The following SH2D4A variants were observed in gnomAD, a reference collection of about 807,000 sequenced individuals.
SH2D4A encodes the protein SH2 domain containing 4A.
In SH2D4A, 70 loss-of-function variants were observed where a neutral mutation model predicts 64.7. That is an observed-to-expected ratio of 1.08 (90% CI 0.89 to 1.32). The LOEUF (loss-of-function observed/expected upper bound fraction) is 1.32. Among genes scored for constraint, SH2D4A ranks in the 40% most tolerant of loss-of-function variants. The probability of loss-of-function intolerance (pLI) is 0.00; values close to 1 mark genes in which losing one functional copy is unlikely to be tolerated. For synonymous variants in SH2D4A, 268 were observed against 200.7 expected (o/e 1.34, Z -2.83); for missense variants, 706 against 540.1 (o/e 1.31, Z -3.04).
chr8:19,372,661 G>A (rs1480536610), intron 7 of SH2D4A, among the ~76,000 whole-genome samples: 2 of 152,138 alleles, frequency 1.3e-5, no homozygotes, highest in African/African-American at 4.8e-5. Flanking sequence ...AAATTAGTAC[G>A]CTGTTGAGTA....
intron 4 of SH2D4A, among the ~76,000 whole-genome samples, chr8:19,349,968 T>G (rs894718911): frequency 8.5e-5 from 13 of 152,214 alleles, no homozygotes; most frequent in Admixed American, 5.2e-4. Context: ...CCTCCCAAAG[T>G]GCTGGCATTA....
chr8:19,318,597 C>A (rs1364016093), intron 1 of SH2D4A, among the ~76,000 whole-genome samples: 4 of 152,150 alleles, frequency 2.6e-5, no homozygotes, highest in Admixed American at 2.0e-4. Context: ...ACCTCTTCAT[C>A]CCCCTAGTTT....
At chr8:19,375,143 C>T (rs184631605) in intron 8 of SH2D4A, 91 of 152,224 alleles carry the variant, frequency 6.0e-4, no homozygotes, top group Non-Finnish European at 1.1e-3. Context: ...CGTAAAATAA[C>T]TTGCATTCTT....
At chr8:19,380,656 C>T (rs1187206032) in intron 8 of SH2D4A, among the ~76,000 whole-genome samples, 1 of 152,188 alleles carries the variant, frequency 6.6e-6, no homozygotes, top group Non-Finnish European at 1.5e-5. Flanking sequence ...ATGGTGTTAG[C>T]ACCTTTGTCA....
At chr8:19,319,053 C>T (rs1253651187) in intron 1 of SH2D4A, among the ~76,000 whole-genome samples, 1 of 150,468 alleles carries the variant, frequency 6.6e-6, no homozygotes, top group East Asian at 1.9e-4. Context: ...AATGTGTTTG[C>T]TTAGTTGGGA....
chr8:19,330,676 T>G (rs1276680796), intron 2 of SH2D4A, among the ~76,000 whole-genome samples: 1 of 152,168 alleles, frequency 6.6e-6, no homozygotes, highest in Non-Finnish European at 1.5e-5. Context: ...TGGGCTGTCC[T>G]AGCTGAGGTG....
chr8:19,383,446 G>A (rs1341138850), intron 8 of SH2D4A, among the ~76,000 whole-genome samples: 3 of 149,618 alleles, frequency 2.0e-5, no homozygotes, highest in East Asian at 2.0e-4. Flanking sequence ...TTGTGCATAC[G>A]TAAAGTCTTT....
At chr8:19,393,033 G>A (rs533694555) in intron 8 of SH2D4A, among the ~76,000 whole-genome samples, 4 of 152,248 alleles carry the variant, frequency 2.6e-5, no homozygotes, top group South Asian at 2.1e-4. Flanking sequence ...GAGCCACCAC[G>A]CCTGGCCCAG....
chr8:19,376,131 C>T (rs1045601091), intron 8 of SH2D4A, among the ~76,000 whole-genome samples: 3 of 152,076 alleles, frequency 2.0e-5, no homozygotes, highest in Admixed American at 1.3e-4. Context: ...TTGGTAAGTC[C>T]CAAATCTGAC....
At chr8:19,324,095 G>A (rs570613498) in intron 2 of SH2D4A, among the ~76,000 whole-genome samples, 22 of 152,342 alleles carry the variant, frequency 1.4e-4, no homozygotes, top group African/African-American at 5.1e-4. Context: ...ATGTGAAGGC[G>A]CCTTGCGCAC....
intron 7 of SH2D4A, among the ~76,000 whole-genome samples, chr8:19,372,063 A>T (rs1362133498): frequency 1.3e-5 from 2 of 152,066 alleles, no homozygotes; most frequent in South Asian, 2.1e-4. Flanking sequence ...GTGAGGTCAT[A>T]TTGTCCTGAG....
At chr8:19,334,486 A>G (rs1464767408) in intron 3 of SH2D4A, among the ~76,000 whole-genome samples, 200 bp from the exon 4 acceptor site, 1 of 152,196 alleles carries the variant, frequency 6.6e-6, no homozygotes, top group African/African-American at 2.4e-5. Flanking sequence ...AGTGAGGATG[A>G]CAATGCCTTC....
intron 2 of SH2D4A, among the ~76,000 whole-genome samples, chr8:19,325,116 A>C (rs1296811981): frequency 2.0e-5 from 3 of 152,008 alleles, no homozygotes; most frequent in Admixed American, 6.5e-5. Flanking sequence ...TTTACTCTCT[A>C]TGATGATGGG....
At chr8:19,365,403 T>C (rs2052975846) in intron 7 of SH2D4A, among the ~76,000 whole-genome samples, 1 of 152,076 alleles carries the variant, frequency 6.6e-6, no homozygotes, top group African/African-American at 2.4e-5. Flanking sequence ...AAGCAAGAAA[T>C]GTAGTCAGGA....
chr8:19,313,747 C>T lies in SH2D4A; in HGVS notation c.-281C>T, dbSNP rs925868122. On this transcript the variant is annotated 5_prime_UTR_variant, in exon 1 of 10. Transcript: ENST00000265807. ...GGACGCCTCTGCCTTTCCCTCCCTCCCTTCCCCGACGGCTTCTGGCGGCCA... is the reference window on the plus strand; with the variant it reads ...GGACGCCTCTGCCTTTCCCTCCCTCTCTTCCCCGACGGCTTCTGGCGGCCA... The T allele has an allele frequency of 6.6e-7, 1 of 1,509,822 alleles. No homozygotes were observed. The highest frequency in any genetic ancestry group is 2.0e-5 in the Admixed American group (1 of 48,842). 93.5% of individuals were successfully genotyped at this position (1,509,822 alleles called of 1,614,324 possible).
In SH2D4A at chr8:19,319,266, T is replaced by C. The variant is rs1481057343; in HGVS notation, c.-204-78T>C. Reference sequence around the variant, plus strand: ...AAGTGATACTGTGTTTCCTCCTAGCTTTTTTTTTTAAACCCGTCCTAGCCA... The same window carrying C: ...AAGTGATACTGTGTTTCCTCCTAGCCTTTTTTTTTAAACCCGTCCTAGCCA... On this transcript the variant is annotated intron_variant, in intron 1 of 9. Coordinates refer to ENST00000265807, the MANE Select transcript of SH2D4A (RefSeq NM_022071.4). 2.3e-5 allele frequency: 15 copies of C among 660,372 alleles called. No individual in the cohort carries two copies. In the South Asian group the frequency reaches 5.6e-4, roughly 25 times the overall value. 40.9% of individuals were successfully genotyped at this position (660,372 alleles called of 1,614,324 possible).
At chr8:19,317,804 A>G (rs951532150) in intron 1 of SH2D4A, among the ~76,000 whole-genome samples, 1 of 152,238 alleles carries the variant, frequency 6.6e-6, no homozygotes, top group African/African-American at 2.4e-5. Context: ...CTGTTTGAAC[A>G]TAGTATGGAG....
chr8:19,316,248 T>G (rs143530516), intron 1 of SH2D4A, among the ~76,000 whole-genome samples: 428 of 152,340 alleles, frequency 2.8e-3, no homozygotes, highest in African/African-American at 9.9e-3. Context: ...CCAGTGTCTT[T>G]CCTTCAAGAT....
intron 1 of SH2D4A, among the ~76,000 whole-genome samples, chr8:19,317,349 A>C (rs918939686): frequency 1.6e-5 from 2 of 123,880 alleles, no homozygotes; most frequent in African/African-American, 6.4e-5. Flanking sequence ...CTTTAAGGGT[A>C]TCTCAATGCA....
Sources: allele counts gnomAD v4.1 joint callset (sites outside exome capture counted in the v4.1 genomes callset), GRCh38; gene constraint gnomAD v4.1.1; transcripts MANE v1.5; gene names NCBI Gene and HGNC (gene_info 2026-07-23, HGNC 2026-07-21).